The following TMTC1 variants were observed in gnomAD, a reference collection of about 807,000 sequenced individuals.
TMTC1 encodes transmembrane O-mannosyltransferase targeting cadherins 1, also known as protein O-mannosyl-transferase TMTC1.
In TMTC1, 73 loss-of-function variants were observed where a neutral mutation model predicts 104.8. The ratio of observed to expected loss-of-function variants is 0.70; its 90% CI spans 0.58 to 0.85. The LOEUF is 0.85. TMTC1 is among the 40% of genes least tolerant of loss of function. TMTC1 has a pLI of 0.00. For missense variants in TMTC1, 1,035 were observed against 1,096.1 expected, an observed-to-expected ratio of 0.94 and a Z score of 0.79; for synonymous variants, 434 against 428.7, an observed-to-expected ratio of 1.01 and a Z score of -0.15.
At chr12:29,631,894 G>A (rs1359319282) in intron 6 of TMTC1, among the ~76,000 whole-genome samples, 1 of 152,172 alleles carries the variant, frequency 6.6e-6, no homozygotes, top group Non-Finnish European at 1.5e-5. Flanking sequence ...GATTTGGGCA[G>A]AGGTTATACA....
intron 5 of TMTC1, among the ~76,000 whole-genome samples, chr12:29,717,516 C>T (rs1360442921): frequency 6.6e-6 from 1 of 152,036 alleles, no homozygotes; most frequent in Non-Finnish European, 1.5e-5. Context: ...TTCCTCCTAA[C>T]TTAAAAAAAA....
chr12:29,672,317 C>T (rs1417064389), intron 5 of TMTC1, among the ~76,000 whole-genome samples: 2 of 152,166 alleles, frequency 1.3e-5, no homozygotes, highest in African/African-American at 4.8e-5. Context: ...TAATTTGCTC[C>T]CAAAAAGTTT....
At chr12:29,573,190 T>G (rs1327698953) in intron 8 of TMTC1, among the ~76,000 whole-genome samples, 2 of 152,148 alleles carry the variant, frequency 1.3e-5, no homozygotes, top group Non-Finnish European at 2.9e-5. Flanking sequence ...AGGCCCTTAG[T>G]TACTCAACAA....
intron 6 of TMTC1, among the ~76,000 whole-genome samples, chr12:29,627,098 T>A (rs1445287036): frequency 6.6e-6 from 1 of 151,686 alleles, no homozygotes; most frequent in Non-Finnish European, 1.5e-5. Context: ...CGAAACTCCA[T>A]CTCAAAAAAA....
intron 4 of TMTC1, among the ~76,000 whole-genome samples, chr12:29,753,639 C>G (rs1396564697): frequency 6.6e-6 from 1 of 152,248 alleles, no homozygotes; most frequent in South Asian, 2.1e-4. Context: ...GTGTTACATC[C>G]TCTGGTTCCT....
intron 16 of TMTC1, among the ~76,000 whole-genome samples, chr12:29,513,804 T>C (rs151310507): frequency 6.6e-6 from 1 of 152,294 alleles, no homozygotes; most frequent in East Asian, 1.9e-4. Context: ...CAGAGAAGGA[T>C]GCAGTCCCTC....
chr12:29,746,830 C>G (rs1169190258), intron 5 of TMTC1, among the ~76,000 whole-genome samples: 1 of 152,148 alleles, frequency 6.6e-6, no homozygotes, highest in Non-Finnish European at 1.5e-5. Context: ...ATCTCGCCCA[C>G]AGAAGTAGAA....
At position 29,583,423 on chromosome 12, in the gene TMTC1, T is replaced by C; in HGVS notation, c.1402A>G (p.Arg468Gly). 6.2e-7 allele frequency: 1 copy of C among 1,613,952 alleles called. No homozygotes were observed. Among genetic ancestry groups the C allele is most frequent in the Non-Finnish European group, 8.5e-7 (1 of 1,179,868 alleles). Reference protein sequence around the residue: ...TVKQNEIWLSRESLFRSGVQT... With the variant: ...TVKQNEIWLSGESLFRSGVQT... ...TAGTCATACCTGAATAGGGACTCTC[T>C]TGACAGCCAAATTTCATTCTGTTTC... The change falls in exon 8 of 18, where the codon AGA becomes GGA. Residue 468 changes from arginine (R) to glycine (G), a missense_variant. By Grantham distance (125) the Arg-to-Gly change is moderately radical. Coordinates refer to ENST00000539277, the MANE Select transcript of TMTC1 (RefSeq NM_001193451.2).
intron 9 of TMTC1, among the ~76,000 whole-genome samples, chr12:29,563,772 C>T (rs948338198): frequency 3.3e-5 from 5 of 152,122 alleles, no homozygotes; most frequent in African/African-American, 4.8e-5. Context: ...TGTGCCAGAC[C>T]GTTTGCTAAG....
intron 5 of TMTC1, among the ~76,000 whole-genome samples, chr12:29,704,064 T>G (rs1361167411): frequency 6.6e-6 from 1 of 152,322 alleles, no homozygotes; most frequent in African/African-American, 2.4e-5. Flanking sequence ...CAGTCCCGGG[T>G]ATTTCTTCAT....
chr12:29,539,305 A>G (rs1944729494), intron 10 of TMTC1, among the ~76,000 whole-genome samples: 1 of 152,130 alleles, frequency 6.6e-6, no homozygotes, highest in South Asian at 2.1e-4. Flanking sequence ...TAATTATCCC[A>G]TATTAAAAAT....
At chr12:29,630,664 T>C (rs1372680994) in intron 6 of TMTC1, among the ~76,000 whole-genome samples, 2 of 152,238 alleles carry the variant, frequency 1.3e-5, no homozygotes, top group African/African-American at 4.8e-5. Context: ...ACTGAGTTCG[T>C]CCATTTGCAT....
At chr12:29,549,763 A>AG (rs1433994555) in intron 10 of TMTC1, among the ~76,000 whole-genome samples, 3 of 152,190 alleles carry the variant, frequency 2.0e-5, no homozygotes, top group African/African-American at 7.2e-5. Context: ...GTGTGTGTAC[A>AG]GGGCACTGAG....
intron 16 of TMTC1, among the ~76,000 whole-genome samples, chr12:29,512,380 T>C (rs1367810813): frequency 6.6e-6 from 1 of 152,196 alleles, no homozygotes; most frequent in Non-Finnish European, 1.5e-5. Flanking sequence ...GGAATTCAGG[T>C]GATTTCTATT....
chr12:29,532,678 T>C (rs1237273626), intron 11 of TMTC1: 1 of 152,146 alleles, frequency 6.6e-6, no homozygotes, highest in Non-Finnish European at 1.5e-5. Flanking sequence ...AGAATGATAA[T>C]ATTTGTTGTC....
chr12:29,769,997 G>T (rs1235883611), intron 1 of TMTC1, among the ~76,000 whole-genome samples: 2 of 151,958 alleles, frequency 1.3e-5, no homozygotes, highest in African/African-American at 4.8e-5. Flanking sequence ...GTACAAGAAT[G>T]CATCTCACAG....
At chr12:29,723,701 C>G (rs1942301959) in intron 5 of TMTC1, among the ~76,000 whole-genome samples, 1 of 152,062 alleles carries the variant, frequency 6.6e-6, no homozygotes, top group Admixed American at 6.6e-5. Context: ...AAGCAAGACC[C>G]TGTCTCTACT....
intron 13 of TMTC1, 113 bp downstream of exon 13, chr12:29,518,359 T>C (rs1944050117): frequency 4.6e-6 from 6 of 1,295,634 alleles, no homozygotes; most frequent in Non-Finnish European, 5.2e-6. Context: ...ATCACCTGAA[T>C]TGGCAAAATT....
chr12:29,633,632 T>C (rs1371088812), intron 5 of TMTC1, among the ~76,000 whole-genome samples: 1 of 152,150 alleles, frequency 6.6e-6, no homozygotes, highest in Non-Finnish European at 1.5e-5. Flanking sequence ...ATATTACAAC[T>C]GGAAATGAAT....
Sources: gnomAD v4.1 joint callset for allele counts (sites outside exome capture counted in the v4.1 genomes callset) on GRCh38, gnomAD v4.1.1 for gene constraint, MANE v1.5 for transcripts, NCBI Gene and HGNC (gene_info 2026-07-23, HGNC 2026-07-21) for gene names.